NAA15: variants seen among roughly 807,000 people sequenced by gnomAD.
NAA15 encodes N-alpha-acetyltransferase 15, NatA auxiliary subunit.
Under a neutral mutation model 114.0 loss-of-function variants are expected in NAA15, and 34 were observed. That is an observed-to-expected ratio of 0.30 (90% CI 0.23 to 0.40). The LOEUF (loss-of-function observed/expected upper bound fraction) is 0.40. Among genes scored for constraint, NAA15 ranks in the 10% least tolerant of loss-of-function variants. The probability of loss-of-function intolerance (pLI) is 1.00; values close to 1 mark genes in which losing one functional copy is unlikely to be tolerated. For missense variants in NAA15, 658 were observed against 1,004.5 expected (o/e 0.66, Z 4.66); for synonymous variants, 340 against 338.0 (o/e 1.01, Z -0.06).
At chr4:139,382,789 A>C (rs1196132062) in intron 17 of NAA15, among the ~76,000 whole-genome samples, 3 of 152,166 alleles carry the variant, frequency 2.0e-5, no homozygotes, top group African/African-American at 7.2e-5. Flanking sequence ...GTTTTATAGA[A>C]TAATAGAAGA....
At position 139,342,834 on chromosome 4, in the gene NAA15, G is replaced by A. The variant is rs773588203; in HGVS notation, c.411G>A (p.Arg137=). 3.2e-5 allele frequency: 51 copies of A among 1,609,108 alleles called. No homozygotes were observed. The East Asian group carries it at 6.5e-4, about 20-fold the overall frequency. The part of the protein sequence containing the change: ...MRDLEGYRET[R]YQLLQLRPAQ... ...TTTTTTTCCTTTTAAAGGAAACGAG[G>A]TATCAGTTACTTCAGCTTCGACCTG... The change falls in exon 5 of 20, where the codon AGG becomes AGA. Residue 137 remains arginine, a synonymous_variant. Coordinates refer to ENST00000296543, the MANE Select transcript of NAA15 (RefSeq NM_057175.5).
intron 17 of NAA15, among the ~76,000 whole-genome samples, chr4:139,382,411 G>A (rs1484489032): frequency 6.6e-6 from 1 of 151,846 alleles, no homozygotes; most frequent in Non-Finnish European, 1.5e-5. Flanking sequence ...TGTTTAATCT[G>A]ATTAAAACAA....
chr4:139,305,892 A>G (rs1371259423), intron 1 of NAA15, among the ~76,000 whole-genome samples: 1 of 152,186 alleles, frequency 6.6e-6, no homozygotes, highest in Non-Finnish European at 1.5e-5. Context: ...CTACTTTGTT[A>G]GTTGTACTGT....
chr4:139,360,121 T>C (rs1423572974), intron 12 of NAA15, among the ~76,000 whole-genome samples: 1 of 152,218 alleles, frequency 6.6e-6, no homozygotes, highest in African/African-American at 2.4e-5. Flanking sequence ...TATATTCATG[T>C]ACGTTCAGAT....
chr4:139,343,078 GA>G (rs1393328171), intron 5 of NAA15, 118 bp downstream of exon 5: 23 of 884,248 alleles, frequency 2.6e-5, no homozygotes, highest in Non-Finnish European at 3.8e-5. Flanking sequence ...AAAGTTGCAG[GA>G]ATAGCACAAA....
At chr4:139,368,033 C>G (rs1238510345) in intron 14 of NAA15, among the ~76,000 whole-genome samples, 1 of 151,652 alleles carries the variant, frequency 6.6e-6, no homozygotes, top group East Asian at 1.9e-4. Context: ...AAGCCCTACT[C>G]AAAGTCTGTC....
intron 3 of NAA15, among the ~76,000 whole-genome samples, chr4:139,338,359 T>C (rs1747266692): frequency 6.6e-6 from 1 of 152,252 alleles, no homozygotes; most frequent in Non-Finnish European, 1.5e-5. Flanking sequence ...AAATTTGTAA[T>C]ATTTTGACTT....
At chr4:139,334,970 C>G (rs376724511) in intron 2 of NAA15, among the ~76,000 whole-genome samples, 22 of 152,036 alleles carry the variant, frequency 1.4e-4, no homozygotes, top group South Asian at 8.3e-4. Context: ...TCACTTTATA[C>G]TTTCTTTTAC....
At chr4:139,365,626 C>A (rs1560975908) in intron 14 of NAA15, among the ~76,000 whole-genome samples, 1 of 151,964 alleles carries the variant, frequency 6.6e-6, no homozygotes, top group Admixed American at 6.6e-5. Flanking sequence ...TCGTTTGAGT[C>A]CAGGAGTCCG....
chr4:139,358,185 G>GT (rs1183364112), intron 11 of NAA15, among the ~76,000 whole-genome samples: 6 of 133,936 alleles, frequency 4.5e-5, no homozygotes, highest in East Asian at 2.1e-4. Context: ...GTTTGTTTTT[G>GT]TTTTTGTTTT....
intron 1 of NAA15, among the ~76,000 whole-genome samples, chr4:139,329,942 C>T (rs558267755): frequency 6.6e-6 from 1 of 152,286 alleles, no homozygotes; most frequent in South Asian, 2.1e-4. Flanking sequence ...AAAGTGGTGG[C>T]ATTACTAGAG....
intron 6 of NAA15, among the ~76,000 whole-genome samples, 166 bp from the exon 7 acceptor site, chr4:139,349,296 A>G (rs1281537863): frequency 1.3e-5 from 2 of 152,244 alleles, no homozygotes; most frequent in Non-Finnish European, 2.9e-5. Flanking sequence ...GAAGGAGACC[A>G]TAACATAACT....
chr4:139,338,971 T>C (rs1364591697), intron 3 of NAA15, among the ~76,000 whole-genome samples: 2 of 151,874 alleles, frequency 1.3e-5, no homozygotes, highest in Non-Finnish European at 2.9e-5. Context: ...CCACCATACC[T>C]GGGTGTTTTT....
At chr4:139,367,743 A>G (rs1318331250) in intron 14 of NAA15, among the ~76,000 whole-genome samples, 1 of 152,060 alleles carries the variant, frequency 6.6e-6, no homozygotes, top group Non-Finnish European at 1.5e-5. Context: ...CCAGCAAGCC[A>G]TTTCTGGAGA....
Position 139,332,578 on chromosome 4 carries a change from T to G in NAA15, c.55-1596T>G, listed in dbSNP as rs1325021812. On this transcript the variant is annotated intron_variant, in intron 1 of 19. Coordinates refer to ENST00000296543, the MANE Select transcript of NAA15 (RefSeq NM_057175.5). ...TTGGTATTTTGGTTTGTATGTTTTT[T>G]TTTTTTTTTTTTTTTTTTTTTTGAG... Among the ~76,000 whole-genome samples the G allele has an allele frequency of 3.6e-4, 41 of 114,934 alleles. 1 individual carries two copies. Among genetic ancestry groups the G allele is most frequent in the African/African-American group, 1.4e-3 (37 of 26,900 alleles). 75.4% of individuals were successfully genotyped at this position (114,934 alleles called of 152,430 possible). A position where few individuals can be genotyped will look rare whatever the true frequency, so the allele number is the denominator to read the frequency against.
intron 14 of NAA15, among the ~76,000 whole-genome samples, chr4:139,367,781 C>G (rs906093548): frequency 6.6e-6 from 1 of 152,160 alleles, no homozygotes; most frequent in Non-Finnish European, 1.5e-5. Context: ...ACCATCAAGC[C>G]CCTGTCTCTT....
intron 6 of NAA15, among the ~76,000 whole-genome samples, chr4:139,347,796 G>T (rs1747633981): frequency 6.6e-6 from 1 of 152,080 alleles, no homozygotes; most frequent in South Asian, 2.1e-4. Flanking sequence ...ACTTTGGGAG[G>T]CCGAGGCGGG....
At chr4:139,320,123 T>A (rs55995101) in intron 1 of NAA15, among the ~76,000 whole-genome samples, 21,325 of 152,240 alleles carry the variant, frequency 0.14, 1,778 homozygotes, top group Admixed American at 0.24. Context: ...CCCAGGCAAG[T>A]TGAGATTTTC....
chr4:139,349,434 AAT>A, intron 6 of NAA15, 26 bp from the exon 7 acceptor site: 1 of 1,497,892 alleles, frequency 6.7e-7, no homozygotes, highest in Non-Finnish European at 8.9e-7. Flanking sequence ...CAGATATTAA[AAT>A]TTTTTTTTTT....
Sources: gnomAD v4.1 joint callset for allele counts (sites outside exome capture counted in the v4.1 genomes callset) on GRCh38, gnomAD v4.1.1 for gene constraint, MANE v1.5 for transcripts, NCBI Gene and HGNC (gene_info 2026-07-23, HGNC 2026-07-21) for gene names.